The following SLC12A7 variants were observed in gnomAD, a reference collection of about 807,000 sequenced individuals.
SLC12A7 encodes K-Cl cotransporter 4.
In SLC12A7, 100 loss-of-function variants were observed where a neutral mutation model predicts 120.6. The observed-to-expected ratio is 0.83, with a 90% CI of 0.71 to 0.98. The LOEUF (loss-of-function observed/expected upper bound fraction) is 0.98, where lower values mean the gene tolerates loss of function less well. SLC12A7 is among the 50% of genes least tolerant of loss of function. The probability of loss-of-function intolerance (pLI) is 0.00; values close to 1 mark genes in which losing one functional copy is unlikely to be tolerated. For synonymous variants in SLC12A7, 760 were observed against 678.0 expected (o/e 1.12, Z -1.88); for missense variants, 1,373 against 1,548.1 (o/e 0.89, Z 1.90).
intron 3 of SLC12A7, among the ~76,000 whole-genome samples, chr5:1,091,924 G>T (rs574693146): frequency 2.9e-5 from 4 of 137,056 alleles, no homozygotes; most frequent in East Asian, 2.3e-4. Context: ...GCTACAGACA[G>T]GGGGGGCGGC....
chr5:1,154,717 G>A, the SLC12A7 span, among the ~76,000 whole-genome samples: 26 of 152,318 alleles, frequency 1.7e-4, no homozygotes, highest in South Asian at 6.2e-4. Context: ...AAACGGACAC[G>A]CACGGCCCCC....
chr5:1,153,668 C>T, the SLC12A7 span, among the ~76,000 whole-genome samples: 20 of 152,214 alleles, frequency 1.3e-4, no homozygotes, highest in African/African-American at 4.8e-4. Context: ...CAAACAAGGC[C>T]TGAGGACGCC....
chr5:1,089,571 TAAAAAA>T (rs35078056), intron 3 of SLC12A7, among the ~76,000 whole-genome samples: 1 of 112,392 alleles, frequency 8.9e-6, no homozygotes, highest in Non-Finnish European at 1.8e-5. Context: ...CCCATAAAGC[TAAAAAA>T]AAAAAAAAAA....
chr5:1,079,312 G>C (rs1211822963), intron 10 of SLC12A7, 86 bp downstream of exon 10: 1 of 1,037,910 alleles, frequency 9.6e-7, no homozygotes, highest in Non-Finnish European at 1.5e-6. Context: ...GCTGGTGGCC[G>C]AGGGTATGAT....
At chr5:1,116,765 G>T (rs1743342121), upstream of SLC12A7, among the ~76,000 whole-genome samples, 1 of 152,174 alleles carries the variant, frequency 6.6e-6, no homozygotes. Context: ...CATCTCCTCT[G>T]AAGTCCAAGC....
the SLC12A7 span, among the ~76,000 whole-genome samples, chr5:1,142,808 A>C: frequency 2.3e-4 from 29 of 124,396 alleles, no homozygotes; most frequent in South Asian, 5.5e-4. Context: ...CCCCATACAC[A>C]CCCCTCCCCT....
chr5:1,052,446 C>G lies in SLC12A7; in HGVS notation c.3166G>C (p.Glu1056Gln), dbSNP rs1376202655. ...KNRQGDENYM[E>Q]FLEVLTEGLN... ...CCCTCGGTCAGGACTTCAAGAAACT[C>G]CATGTCTGTGGTCAACAGAGTTAAG... The change falls in exon 24 of 24, where the codon GAG becomes CAG. Residue 1056 changes from glutamate to glutamine, a missense_variant. Physicochemically the swap from Glu to Gln is conservative, Grantham distance 29. Transcript: ENST00000264930. 4 of 1,612,636 alleles carry G rather than the reference C, an allele frequency of 2.5e-6. No individual in the cohort carries two copies. In the East Asian group the frequency reaches 8.9e-5, roughly 36 times the overall value.
chr5:1,054,053 G>T (rs751655696), intron 22 of SLC12A7, among the ~76,000 whole-genome samples: 1 of 152,260 alleles, frequency 6.6e-6, no homozygotes, highest in Non-Finnish European at 1.5e-5. Context: ...TGCAGCCGTT[G>T]CTGCTGAAGC....
chr5:1,078,295 C>T (rs1325512319), intron 11 of SLC12A7, among the ~76,000 whole-genome samples: 1 of 152,112 alleles, frequency 6.6e-6, no homozygotes, highest in African/African-American at 2.4e-5. Context: ...AGGGACCACC[C>T]AGGACCCCCG....
intron 7 of SLC12A7, among the ~76,000 whole-genome samples, chr5:1,085,026 C>T (rs1182242578): frequency 2.0e-5 from 3 of 152,234 alleles, no homozygotes; most frequent in Non-Finnish European, 2.9e-5. Context: ...TGCTCAGACC[C>T]GGCCACGAGG....
At chr5:1,121,704 C>G in the SLC12A7 span, among the ~76,000 whole-genome samples, 1 of 152,138 alleles carries the variant, frequency 6.6e-6, no homozygotes, top group Non-Finnish European at 1.5e-5. Flanking sequence ...AGGACCCTTC[C>G]CAGATGGGAA....
At chr5:1,139,443 C>T in the SLC12A7 span, among the ~76,000 whole-genome samples, 1 of 152,246 alleles carries the variant, frequency 6.6e-6, no homozygotes, top group Non-Finnish European at 1.5e-5. Context: ...CTGACAGATG[C>T]GGTTCTGGGA....
rs374790199 is a variant in SLC12A7 at position 1,093,661 on chromosome 5, C to T, written c.220-6G>A. 4.8e-5 allele frequency: 78 copies of T among 1,612,592 alleles called. 1 individual carries two copies. Among genetic ancestry groups the T allele is most frequent in the South Asian group, 2.9e-4 (26 of 91,058 alleles). ...GGGTTACTGTCCATCTCCTCCTGCG[C>T]GGCGTGGACATGGTCACAGGCGGCC... On this transcript the variant is annotated splice_polypyrimidine_tract_variant and splice_region_variant and intron_variant, in intron 2 of 23. Transcript: ENST00000264930.
intron 13 of SLC12A7, among the ~76,000 whole-genome samples, 177 bp from the exon 14 acceptor site, chr5:1,076,413 A>T (rs1403212131): frequency 1.1e-4 from 5 of 44,472 alleles, no homozygotes; most frequent in Non-Finnish European, 1.4e-4. Flanking sequence ...CTCAGGTTCC[A>T]GCCATCCTGT....
At chr5:1,137,046 C>G in the SLC12A7 span, among the ~76,000 whole-genome samples, 1 of 152,142 alleles carries the variant, frequency 6.6e-6, no homozygotes. Flanking sequence ...CACACTCCAA[C>G]ACCAGGACAC....
chr5:1,141,863 T>C, the SLC12A7 span, among the ~76,000 whole-genome samples: 5 of 152,130 alleles, frequency 3.3e-5, no homozygotes, highest in African/African-American at 1.2e-4. Context: ...AAATGCTTAG[T>C]GAGGGAGAAG....
chr5:1,066,833 C>T (rs1276350579), intron 17 of SLC12A7, among the ~76,000 whole-genome samples: 1 of 152,164 alleles, frequency 6.6e-6, no homozygotes, highest in Non-Finnish European at 1.5e-5. Context: ...GCAGCGTGGC[C>T]TGCGGTCTCC....
At chr5:1,101,856 C>T (rs752898411) in intron 1 of SLC12A7, among the ~76,000 whole-genome samples, 25 of 151,808 alleles carry the variant, frequency 1.6e-4, no homozygotes, top group Non-Finnish European at 2.6e-4. Flanking sequence ...TGGCTGCAGC[C>T]GCCTGGGCAA....
At chr5:1,097,673 C>T (rs964830348) in intron 1 of SLC12A7, among the ~76,000 whole-genome samples, 2 of 152,122 alleles carry the variant, frequency 1.3e-5, no homozygotes, top group African/African-American at 2.4e-5. Flanking sequence ...GTCCAGAACG[C>T]GAGGACGCAC....
Sources: allele counts gnomAD v4.1 joint callset (sites outside exome capture counted in the v4.1 genomes callset), GRCh38; gene constraint gnomAD v4.1.1; transcripts MANE v1.5; gene names NCBI Gene and HGNC (gene_info 2026-07-23, HGNC 2026-07-21).